AAMDC: variants seen among roughly 807,000 people sequenced by gnomAD.
The protein encoded by AAMDC is adipogenesis associated Mth938 domain containing.
A neutral mutation model predicts 15.5 loss-of-function variants in AAMDC; 16 were observed. The ratio of observed to expected loss-of-function variants is 1.03; its 90% CI spans 0.70 to 1.57. The LOEUF (loss-of-function observed/expected upper bound fraction) is 1.57, where lower values mean the gene tolerates loss of function less well. Among genes scored for constraint, AAMDC ranks in the 40% most tolerant of loss-of-function variants. AAMDC has a pLI of 0.00. For missense variants in AAMDC, 141 were observed against 144.9 expected (o/e 0.97, Z 0.14); for synonymous variants, 51 against 51.6 (o/e 0.99, Z 0.05).
intron 2 of AAMDC, among the ~76,000 whole-genome samples, chr11:77,864,807 C>T (rs895027045): frequency 6.6e-6 from 1 of 151,986 alleles, no homozygotes; most frequent in African/African-American, 2.4e-5. Context: ...AGAGAGACCT[C>T]GTTGCTACAG....
intron 2 of AAMDC, among the ~76,000 whole-genome samples, chr11:77,849,610 T>C (rs1193744451): frequency 6.6e-6 from 1 of 152,066 alleles, no homozygotes; most frequent in African/African-American, 2.4e-5. Context: ...CCTTTTGCCT[T>C]GGCCTCCCAA....
chr11:77,879,164 C>T (rs1590989975), intron 5 of AAMDC: 2 of 1,607,674 alleles, frequency 1.2e-6, no homozygotes, highest in East Asian at 2.2e-5. Flanking sequence ...TATAACTAGG[C>T]AACTGCTAGG....
At position 77,872,347 on chromosome 11, in the gene AAMDC, T is replaced by C; in HGVS notation, c.*32T>C. The C allele has an allele frequency of 1.3e-6, 2 of 1,584,424 alleles. No homozygotes were observed. Among genetic ancestry groups the C allele is most frequent in the Non-Finnish European group, 1.7e-6 (2 of 1,165,970 alleles). ...CTTAAGAGGAGAATAAATCACTAAGTGCCTATGCCTGTGACTGTCACTCAC... is the reference window on the plus strand; with the variant it reads ...CTTAAGAGGAGAATAAATCACTAAGCGCCTATGCCTGTGACTGTCACTCAC... On this transcript the variant is annotated 3_prime_UTR_variant, in exon 4 of 4. Transcript: ENST00000393427.
chr11:77,886,755 G>A (rs980239062), intron 5 of AAMDC, among the ~76,000 whole-genome samples: 2 of 146,756 alleles, frequency 1.4e-5, no homozygotes, highest in South Asian at 2.2e-4. Flanking sequence ...GGCGCCCGGC[G>A]AGGGGGCGGG....
At chr11:77,891,464 T>C (rs1952261829) in intron 5 of AAMDC, 5 of 1,613,694 alleles carry the variant, frequency 3.1e-6, no homozygotes, top group East Asian at 2.2e-5. Context: ...TTTGTGGATC[T>C]GTAAGCAAGA....
intron 2 of AAMDC, chr11:77,850,651 G>A (rs1444420480): frequency 6.6e-6 from 1 of 152,100 alleles, no homozygotes; most frequent in African/African-American, 2.4e-5. Context: ...TTTGAAAAAT[G>A]TTAAACCTAC....
At chr11:77,825,274 G>A (rs1325862438) in intron 1 of AAMDC, among the ~76,000 whole-genome samples, 1 of 151,798 alleles carries the variant, frequency 6.6e-6, no homozygotes, top group Non-Finnish European at 1.5e-5. Context: ...GAGCCACCAG[G>A]CCTGGCTGCT....
chr11:77,823,071 G>A (rs967354449), intron 1 of AAMDC, among the ~76,000 whole-genome samples: 1 of 151,910 alleles, frequency 6.6e-6, no homozygotes, highest in South Asian at 2.1e-4. Flanking sequence ...AAAATTAGCC[G>A]GGCGTGGTGG....
Position 77,835,816 on chromosome 11 carries a change from G to A in AAMDC, c.-18-6663G>A, listed in dbSNP as rs578037073. 9.2e-4 allele frequency among the ~76,000 whole-genome samples: 140 copies of A among 152,242 alleles called. 6 individuals are homozygous for A. The South Asian group carries it at 0.028, about 31-fold the overall frequency. The stretch of plus-strand genomic sequence containing the variant: ...TGTACCTGTAATCCCAGCTACAAGG[G>A]TGGCTGAGGCACAAGAATCACTTGG... On this transcript the variant is annotated intron_variant, in intron 1 of 3. Coordinates refer to ENST00000393427, the MANE Select transcript of AAMDC (RefSeq NM_024684.4).
At chr11:77,857,633 G>A (rs1950678653) in intron 2 of AAMDC, among the ~76,000 whole-genome samples, 1 of 150,474 alleles carries the variant, frequency 6.6e-6, no homozygotes, top group Admixed American at 6.6e-5. Context: ...AGAACATGCA[G>A]GTTTGTTACA....
chr11:77,878,713 G>A, intron 5 of AAMDC: 1 of 695,380 alleles, frequency 1.4e-6, no homozygotes, highest in South Asian at 1.5e-5. Context: ...CCAGGAACTA[G>A]AACAGCTTGG....
chr11:77,829,866 T>C (rs1788894834), intron 1 of AAMDC: 2 of 152,252 alleles, frequency 1.3e-5, no homozygotes, highest in African/African-American at 4.8e-5. Context: ...GCACAGTTGT[T>C]CATGCTTGTA....
intron 2 of AAMDC, among the ~76,000 whole-genome samples, chr11:77,863,367 A>C (rs1431546195): frequency 6.6e-6 from 1 of 152,124 alleles, no homozygotes; most frequent in Non-Finnish European, 1.5e-5. Flanking sequence ...GTGGACGGTG[A>C]GCGAAAACTC....
downstream of AAMDC, among the ~76,000 whole-genome samples, chr11:77,872,700 C>T (rs774560008): frequency 3.9e-5 from 6 of 152,172 alleles, no homozygotes; most frequent in Non-Finnish European, 7.4e-5. Flanking sequence ...GTAATCCCAA[C>T]ACTTTGGGAG....
intron 2 of AAMDC, among the ~76,000 whole-genome samples, chr11:77,852,257 G>A (rs1469625261): frequency 1.7e-5 from 2 of 114,778 alleles, no homozygotes; most frequent in Non-Finnish European, 3.8e-5. Context: ...AGAAGAAGAA[G>A]TTCAAAGAAA....
intron 1 of AAMDC, among the ~76,000 whole-genome samples, chr11:77,833,505 G>A (rs1437708782): frequency 6.6e-6 from 1 of 151,996 alleles, no homozygotes; most frequent in African/African-American, 2.4e-5. Context: ...AGTAATGTGA[G>A]CCACAGGAAG....
chr11:77,850,231 G>A (rs1950316970), intron 2 of AAMDC, among the ~76,000 whole-genome samples: 2 of 152,262 alleles, frequency 1.3e-5, no homozygotes, highest in African/African-American at 4.8e-5. Context: ...AAAATGTAAG[G>A]TCTTCAAGCA....
At chr11:77,890,850 G>A (rs1952231779) in intron 5 of AAMDC, among the ~76,000 whole-genome samples, 1 of 152,172 alleles carries the variant, frequency 6.6e-6, no homozygotes, top group Admixed American at 6.5e-5. Context: ...CATTTCTCAT[G>A]TGTCTCTATT....
intron 5 of AAMDC, among the ~76,000 whole-genome samples, chr11:77,880,882 C>T (rs1393994060): frequency 1.3e-5 from 2 of 152,120 alleles, no homozygotes; most frequent in Non-Finnish European, 2.9e-5. Flanking sequence ...GAGGATCACA[C>T]CACTGCACTC....
Sources: gnomAD v4.1 joint callset for allele counts (sites outside exome capture counted in the v4.1 genomes callset) on GRCh38, gnomAD v4.1.1 for gene constraint, MANE v1.5 for transcripts, NCBI Gene and HGNC (gene_info 2026-07-23, HGNC 2026-07-21) for gene names.